The following ATP8A2 variants were observed in gnomAD, a reference collection of about 807,000 sequenced individuals.
The protein encoded by ATP8A2 is phospholipid-transporting ATPase IB.
A neutral mutation model predicts 165.6 loss-of-function variants in ATP8A2; 100 were observed. The observed-to-expected ratio is 0.60, with a 90% CI of 0.51 to 0.71. The LOEUF is 0.71. ATP8A2 is among the 30% of genes least tolerant of loss of function. The probability of loss-of-function intolerance (pLI) is 0.00; values close to 1 mark genes in which losing one functional copy is unlikely to be tolerated. For missense variants in ATP8A2, 1,227 were observed against 1,479.5 expected, an observed-to-expected ratio of 0.83 and a Z score of 2.80; for synonymous variants, 543 against 548.8, an observed-to-expected ratio of 0.99 and a Z score of 0.15.
chr13:25,442,690 G>C (rs562335964), intron 1 of ATP8A2, among the ~76,000 whole-genome samples: 1 of 152,160 alleles, frequency 6.6e-6, no homozygotes, highest in African/African-American at 2.4e-5. Flanking sequence ...AAAGTGCTGC[G>C]GGTGTGAGGT....
At position 25,851,311 on chromosome 13, in the gene ATP8A2, G is replaced by A. The variant is rs560370895; in HGVS notation, c.2957-8884G>A. Among the ~76,000 whole-genome samples the A allele has an allele frequency of 2.8e-4, 42 of 152,300 alleles. No individual in the cohort carries two copies. The South Asian group carries it at 7.9e-3, about 29-fold the overall frequency. ...ATTAATGCATTGTCAGCCGGATGCC[G>A]TGGCTCACGCCTGTAATCCCAGCAC... is the stretch of plus-strand genomic sequence containing the variant. On this transcript the variant is annotated intron_variant, in intron 30 of 36. Coordinates refer to ENST00000381655, the MANE Select transcript of ATP8A2 (RefSeq NM_016529.6).
intron 2 of ATP8A2, among the ~76,000 whole-genome samples, chr13:25,508,079 TA>T (rs151014887): frequency 0.027 from 4,094 of 151,554 alleles, 192 homozygotes; most frequent in African/African-American, 0.094. Flanking sequence ...GACAGTACTG[TA>T]AAAAAAAACT....
chr13:25,571,245 G>T (rs1295966508), intron 17 of ATP8A2, among the ~76,000 whole-genome samples: 1 of 152,182 alleles, frequency 6.6e-6, no homozygotes, highest in African/African-American at 2.4e-5. Flanking sequence ...CCCACTTCCT[G>T]AGGCTTGGGA....
At chr13:25,576,246 C>T (rs1297714378) in intron 19 of ATP8A2, among the ~76,000 whole-genome samples, 1 of 152,118 alleles carries the variant, frequency 6.6e-6, no homozygotes, top group African/African-American at 2.4e-5. Context: ...CTCTTAGAGA[C>T]TTATAGTCCA....
chr13:25,469,099 A>T lies in ATP8A2; in HGVS notation c.199A>T (p.Lys67Ter). The change falls in exon 2 of 37, where the codon AAA (lysine) becomes TAA (stop). Residue 67 changes from lysine (K) to a stop codon, truncating the protein, a stop_gained. Transcript: ENST00000381655. LOFTEE classifies it high-confidence loss of function. ...TTACCTCAACCAACCGCATCTCAACAAATTCCGCGACAACCAGATCAGGTA... is the reference window on the plus strand; with the variant it reads ...TTACCTCAACCAACCGCATCTCAACTAATTCCGCGACAACCAGATCAGGTA... Reference protein sequence around the residue: ...TIYLNQPHLNKFRDNQISTAK... With the variant: ...TIYLNQPHLN 2 of 1,613,962 alleles carry T rather than the reference A, an allele frequency of 1.2e-6. No homozygotes were observed. The highest frequency in any genetic ancestry group is 1.7e-6 in the Non-Finnish European group (2 of 1,179,888).
rs554038825 is a variant in ATP8A2, at chr13:25,990,859, C to T, written c.3378-21672C>T. ...ACCCAGGCCTTTTCAACCCGTGGCA[C>T]GGCATTTTGCTTGGGGTCTCTCCAG... is the stretch of plus-strand genomic sequence containing the variant. On this transcript the variant is annotated intron_variant, in intron 35 of 36. Transcript: ENST00000381655. Among the ~76,000 whole-genome samples, 59 of 152,264 alleles carry T rather than the reference C, an allele frequency of 3.9e-4. 2 individuals carry two copies. The highest frequency in any genetic ancestry group is 1.2e-3 in the African/African-American group (49 of 41,548).
intron 1 of ATP8A2, among the ~76,000 whole-genome samples, chr13:25,392,655 ATTTC>A (rs150420916): frequency 0.011 from 1,616 of 152,300 alleles, 28 homozygotes; most frequent in African/African-American, 0.037. Flanking sequence ...ATCCTGTTAA[ATTTC>A]TTTGTTTTCT....
intron 24 of ATP8A2, among the ~76,000 whole-genome samples, chr13:25,590,628 A>G (rs1488803526): frequency 6.6e-6 from 1 of 152,200 alleles, no homozygotes; most frequent in Non-Finnish European, 1.5e-5. Flanking sequence ...TCCACTTGTC[A>G]GAACTTTTAA....
chr13:25,809,321 C>G (rs958099282), intron 27 of ATP8A2, among the ~76,000 whole-genome samples: 3 of 151,960 alleles, frequency 2.0e-5, no homozygotes, highest in Non-Finnish European at 4.4e-5. Flanking sequence ...ACATGTACCC[C>G]CTGAATCTGA....
intron 24 of ATP8A2, among the ~76,000 whole-genome samples, chr13:25,693,119 G>A (rs1382310857): frequency 6.6e-6 from 1 of 152,114 alleles, no homozygotes; most frequent in Non-Finnish European, 1.5e-5. Flanking sequence ...ATAAATTTTA[G>A]CAACTGGACT....
chr13:25,587,963 CT>C (rs933813440), intron 23 of ATP8A2, among the ~76,000 whole-genome samples: 3 of 151,274 alleles, frequency 2.0e-5, no homozygotes, highest in African/African-American at 7.3e-5. Context: ...TTCCCCCCTC[CT>C]TTTTTTTTGT....
In ATP8A2 at chr13:25,579,861, G is replaced by A; in HGVS notation, c.1921G>A (p.Glu641Lys). The change falls in exon 22 of 37, where the codon GAG (glutamate) becomes AAG (lysine). Residue 641 changes from glutamate to lysine, a missense_variant. Physicochemically the swap from Glu to Lys is moderately conservative, Grantham distance 56. This residue lies in a region of ATP8A2 where 592 missense variants were observed against 785.6 expected (regional missense o/e 0.75). Transcript: ENST00000381655. ...TGATCTCTCTGAGAATGAGTATGAG[G>A]AGTGGCTGAAAGTCTATCAGGAAGC... ...YADLSENEYE[E>K]WLKVYQEAST... 6.2e-7 allele frequency: 1 copy of A among 1,614,008 alleles called. No homozygotes were observed. The highest frequency in any genetic ancestry group is 8.5e-7 in the Non-Finnish European group (1 of 1,179,980).
chr13:25,843,390 C>A (rs780840424), intron 30 of ATP8A2, among the ~76,000 whole-genome samples: 2 of 152,138 alleles, frequency 1.3e-5, no homozygotes, highest in African/African-American at 2.4e-5. Flanking sequence ...ATGCCCCCCC[C>A]GCCCAATTCA....
chr13:25,375,723 C>T (rs1323656028), intron 1 of ATP8A2, among the ~76,000 whole-genome samples: 1 of 152,066 alleles, frequency 6.6e-6, no homozygotes, highest in Non-Finnish European at 1.5e-5. Flanking sequence ...TAGGCTCCCA[C>T]CACCACACTC....
Position 25,968,773 on chromosome 13 carries a change from C to T in ATP8A2, c.3377+94C>T, listed in dbSNP as rs908956169. The T allele has an allele frequency of 2.7e-5, 27 of 988,872 alleles. No homozygotes were observed. The Middle Eastern group carries it at 1.3e-3, about 48-fold the overall frequency. 61.3% of individuals were successfully genotyped at this position (988,872 alleles called of 1,614,324 possible). ...TATTTCTTTTTCTCATCTTGGTTTT[C>T]GATGGGAGCACAGTATGCTCAGGCT... On this transcript the variant is annotated intron_variant, in intron 35 of 36. Transcript: ENST00000381655.
chr13:25,729,386 G>A (rs1383146788), intron 25 of ATP8A2, among the ~76,000 whole-genome samples: 1 of 152,214 alleles, frequency 6.6e-6, no homozygotes, highest in Non-Finnish European at 1.5e-5. Flanking sequence ...GGCATGGCCA[G>A]GCCAGGTACT....
intron 24 of ATP8A2, among the ~76,000 whole-genome samples, chr13:25,675,642 C>G (rs546422036): frequency 6.6e-6 from 1 of 152,224 alleles, no homozygotes; most frequent in East Asian, 1.9e-4. Flanking sequence ...ACAAGAATAT[C>G]ATGTAAACAT....
intron 27 of ATP8A2, among the ~76,000 whole-genome samples, chr13:25,827,091 T>TTTTG (rs1039451662): frequency 1.6e-4 from 25 of 152,246 alleles, no homozygotes; most frequent in South Asian, 6.2e-4. Flanking sequence ...TTTTTGTTTT[T>TTTTG]TTTGTTTGTT....
intron 4 of ATP8A2, among the ~76,000 whole-genome samples, chr13:25,531,307 G>GATATATATGATATATATGAT (rs2038065490): frequency 8.1e-5 from 9 of 111,080 alleles, no homozygotes; most frequent in African/African-American, 3.7e-4. Context: ...TGTTATATAT[G>GATATATATGATATATATGAT]ATATATATGT....
Sources: allele counts gnomAD v4.1 joint callset (sites outside exome capture counted in the v4.1 genomes callset), GRCh38; gene constraint gnomAD v4.1.1; regional missense constraint gnomAD v4.1.1; transcripts MANE v1.5; gene names NCBI Gene and HGNC (gene_info 2026-07-23, HGNC 2026-07-21).